UGT1A10: variants seen among roughly 807,000 people sequenced by gnomAD.
The protein encoded by UGT1A10 is UDP glucuronosyltransferase family 1 member A10, also known as UDP-glucuronosyltransferase 1A10.
In UGT1A10, 49 loss-of-function variants were observed where a neutral mutation model predicts 45.8. The ratio of observed to expected loss-of-function variants is 1.07; its 90% CI spans 0.85 to 1.36. UGT1A10 has a LOEUF of 1.36. Ranked by LOEUF, UGT1A10 falls within the 40% of genes most tolerant of loss-of-function variation. UGT1A10 has a pLI of 0.00. For missense variants in UGT1A10, 745 were observed against 668.6 expected, an observed-to-expected ratio of 1.11 and a Z score of -1.26; for synonymous variants, 284 against 249.7, an observed-to-expected ratio of 1.14 and a Z score of -1.29.
At position 233,750,714 on chromosome 2, in the gene UGT1A10, G is replaced by A. The variant is rs569716311; in HGVS notation, c.856-16320G>A. On this transcript the variant is annotated intron_variant, in intron 1 of 4. Coordinates refer to ENST00000344644, the MANE Select transcript of UGT1A10 (RefSeq NM_019075.4). ...TAAAAGAGGCCAAGGTAGAGCTCAG[G>A]CCATTGCTTCAGAGGGTGCAAACCT... The A allele has an allele frequency of 6.6e-5, 10 of 152,072 alleles. No individual in the cohort carries two copies. In the South Asian group the frequency reaches 8.3e-4, roughly 13 times the overall value. The allele number at this position is 152,072 out of a possible 1,614,324, so 9.4% of individuals were successfully genotyped here. A position where few individuals can be genotyped will look rare whatever the true frequency, so the allele number is the denominator to read the frequency against.
At chr2:233,643,762 C>A (rs754582782) in intron 1 of UGT1A10, among the ~76,000 whole-genome samples, 3 of 152,062 alleles carry the variant, frequency 2.0e-5, no homozygotes, top group Non-Finnish European at 4.4e-5. Flanking sequence ...AGTTAGCAGG[C>A]GATGAACGCT....
chr2:233,672,762 C>T, intron 1 of UGT1A10: 1 of 1,613,872 alleles, frequency 6.2e-7, no homozygotes, highest in Non-Finnish European at 8.5e-7. Flanking sequence ...GTGGTATCAA[C>T]TGCCATCAGG....
chr2:233,761,175 ACATG>A lies in UGT1A10; in HGVS notation c.856-5857_856-5854del, dbSNP rs768058244. The A allele has an allele frequency of 9.3e-6, 15 of 1,614,212 alleles. No homozygotes were observed. In the African/African-American group the frequency reaches 1.9e-4, roughly 20 times the overall value. On this transcript the variant is annotated intron_variant, in intron 1 of 4. Coordinates refer to ENST00000344644, the MANE Select transcript of UGT1A10 (RefSeq NM_019075.4). ...AGGTGTGTATTGGAGTGGGACTTTT[ACATG>A]CGTATATTCTTTCAGATGTATTACT... is the stretch of plus-strand genomic sequence containing the variant.
Position 233,636,494 on chromosome 2 carries a change from C to T in UGT1A10, c.-29C>T, listed in dbSNP as rs775507375. On this transcript the variant is annotated 5_prime_UTR_variant, in exon 1 of 5. Transcript: ENST00000344644. ...ACTGTATCATAGCAGCTTAGAATCC[C>T]AGCTGCTGGCTCGGGCTGCAGTTCT... is the stretch of plus-strand genomic sequence containing the variant. The T allele has an allele frequency of 1.9e-5, 31 of 1,596,286 alleles. No homozygotes were observed. The highest frequency in any genetic ancestry group is 2.6e-5 in the Non-Finnish European group (31 of 1,169,972).
Position 233,757,535 on chromosome 2 carries a change from A to AATATATATATATATATATATAT in UGT1A10, c.856-9494_856-9473dup, listed in dbSNP as rs67292694. Among the ~76,000 whole-genome samples, 69 of 88,256 alleles carry AATATATATATATATATATATAT rather than the reference A, an allele frequency of 7.8e-4. 1 individual carries two copies. Among genetic ancestry groups the AATATATATATATATATATATAT allele is most frequent in the South Asian group, 4.2e-3 (8 of 1,918 alleles). 57.9% of individuals were successfully genotyped at this position (88,256 alleles called of 152,430 possible). ...CAAAGCCAAAATCTTGCCTGTAAGG[A>AATATATATATATATATATATAT]ATATATATATATATATATATATATA... On this transcript the variant is annotated intron_variant, in intron 1 of 4. Transcript: ENST00000344644.
chr2:233,746,345 T>C (rs887408714), intron 1 of UGT1A10, among the ~76,000 whole-genome samples: 14 of 151,796 alleles, frequency 9.2e-5, no homozygotes, highest in African/African-American at 1.7e-4. Context: ...GACATGTTTA[T>C]GTTGCTCCTT....
At chr2:233,711,107 C>T (rs1170394278) in intron 1 of UGT1A10, among the ~76,000 whole-genome samples, 1 of 152,202 alleles carries the variant, frequency 6.6e-6, no homozygotes, top group Non-Finnish European at 1.5e-5. Flanking sequence ...GCCCAGACCC[C>T]TCCTCATCTC....
chr2:233,677,935 G>A (rs1364585524), intron 1 of UGT1A10, among the ~76,000 whole-genome samples: 1 of 152,128 alleles, frequency 6.6e-6, no homozygotes, highest in Non-Finnish European at 1.5e-5. Flanking sequence ...CCCGTCAACA[G>A]TGGCTTAGAT....
intron 1 of UGT1A10, among the ~76,000 whole-genome samples, chr2:233,737,817 A>C (rs1486472314): frequency 6.6e-6 from 1 of 152,110 alleles, no homozygotes; most frequent in Admixed American, 6.5e-5. Flanking sequence ...TCAGTGGAGC[A>C]GAACAAATTG....
At chr2:233,723,030 C>T (rs1559367712) in intron 1 of UGT1A10, among the ~76,000 whole-genome samples, 1 of 143,404 alleles carries the variant, frequency 7.0e-6, no homozygotes, top group Non-Finnish European at 1.5e-5. Context: ...GAAGGGCCAG[C>T]GGGAGAGGCA....
At chr2:233,689,906 T>A in intron 1 of UGT1A10, 1 of 456,754 alleles carries the variant, frequency 2.2e-6, no homozygotes, top group South Asian at 1.5e-5. Flanking sequence ...CAGGGCCAGG[T>A]AGGTGCCTGG....
At chr2:233,656,195 C>T (rs887164525) in intron 1 of UGT1A10, among the ~76,000 whole-genome samples, 4 of 152,328 alleles carry the variant, frequency 2.6e-5, no homozygotes, top group African/African-American at 4.8e-5. Flanking sequence ...ACATATGACC[C>T]GTGTTCACCC....
At chr2:233,708,628 G>C (rs985761957) in intron 1 of UGT1A10, 8 of 152,152 alleles carry the variant, frequency 5.3e-5, no homozygotes, top group Non-Finnish European at 1.2e-4. Context: ...GCGTGTGCCT[G>C]TAGACCTAAC....
chr2:233,759,141 G>A (rs766249806), intron 1 of UGT1A10, among the ~76,000 whole-genome samples: 1 of 152,222 alleles, frequency 6.6e-6, no homozygotes, highest in Non-Finnish European at 1.5e-5. Context: ...CGCAATGAAG[G>A]TGAGTTCCAC....
chr2:233,707,988 T>C (rs2075998720), intron 1 of UGT1A10, among the ~76,000 whole-genome samples: 1 of 152,244 alleles, frequency 6.6e-6, no homozygotes, highest in South Asian at 2.1e-4. Flanking sequence ...CTGGGTTGTC[T>C]ACTCGAATTA....
At chr2:233,643,806 G>A (rs1001196538) in intron 1 of UGT1A10, among the ~76,000 whole-genome samples, 5 of 152,132 alleles carry the variant, frequency 3.3e-5, no homozygotes, top group Non-Finnish European at 5.9e-5. Flanking sequence ...AAGGCAGCAG[G>A]TTCCCTTCTA....
chr2:233,682,585 A>C (rs1276385712), intron 1 of UGT1A10: 3 of 1,613,942 alleles, frequency 1.9e-6, no homozygotes, highest in Non-Finnish European at 2.5e-6. Context: ...ACTTGGAGGA[A>C]CATTTATTTT....
chr2:233,744,974 C>T (rs1446449011), intron 1 of UGT1A10, among the ~76,000 whole-genome samples: 1 of 151,828 alleles, frequency 6.6e-6, no homozygotes. Flanking sequence ...CTTCTTTAAG[C>T]CTCTAGTCAT....
At chr2:233,701,225 G>A (rs1395250267) in intron 1 of UGT1A10, among the ~76,000 whole-genome samples, 2 of 152,092 alleles carry the variant, frequency 1.3e-5, no homozygotes, top group Non-Finnish European at 2.9e-5. Flanking sequence ...AATCCTTTGG[G>A]TATATACCCA....
Sources: allele counts gnomAD v4.1 joint callset (sites outside exome capture counted in the v4.1 genomes callset), GRCh38; gene constraint gnomAD v4.1.1; transcripts MANE v1.5; gene names NCBI Gene and HGNC (gene_info 2026-07-23, HGNC 2026-07-21).